The following ADGRV1 variants were observed in gnomAD, a reference collection of about 807,000 sequenced individuals.
ADGRV1 encodes the protein adhesion G protein-coupled receptor V1.
ADGRV1 carries 359 observed loss-of-function variants against 596.2 expected under a neutral mutation model. The observed-to-expected ratio is 0.60, with a 90% CI of 0.55 to 0.66. The LOEUF (loss-of-function observed/expected upper bound fraction) is 0.66. Ranked by LOEUF, ADGRV1 falls within the 30% of genes least tolerant of loss-of-function variation. The pLI is 0.00. For missense variants in ADGRV1, 7,274 were observed against 7,575.6 expected (o/e 0.96, Z 1.48); for synonymous variants, 2,681 against 2,679.2 (o/e 1.00, Z -0.02).
At chr5:91,042,413 C>T (rs1785438328) in intron 85 of ADGRV1, among the ~76,000 whole-genome samples, 1 of 152,154 alleles carries the variant, frequency 6.6e-6, no homozygotes, top group South Asian at 2.1e-4. Flanking sequence ...GGAGACATGC[C>T]TACCTTGGAT....
At chr5:91,157,629 G>A (rs1796581087) in intron 89 of ADGRV1, among the ~76,000 whole-genome samples, 1 of 151,654 alleles carries the variant, frequency 6.6e-6, no homozygotes, top group Non-Finnish European at 1.5e-5. Context: ...ATTTTTTTCT[G>A]TGGCCATAAG....
At position 90,802,820 on chromosome 5, in the gene ADGRV1, A is replaced by G. The variant is rs769269881; in HGVS notation, c.14599A>G (p.Thr4867Ala). The G allele has an allele frequency of 1.9e-6, 3 of 1,612,368 alleles. No homozygotes were observed. The South Asian group carries it at 3.3e-5, about 18-fold the overall frequency. ...CGGTGGACGTTTCTATGGAATGCCA[A>G]CAATTCTTCAGGAAGCAAAATCTGC... is the stretch of plus-strand genomic sequence containing the variant. ...LVGGRFYGMP[T>A]ILQEAKSAVL... Residue 4867 changes from threonine to alanine, a missense_variant, in exon 71 of 90, where the codon ACA becomes GCA. This residue lies in a region of ADGRV1 where 1,874 missense variants were observed against 1,970.2 expected (regional missense o/e 0.95). Coordinates refer to ENST00000405460, the MANE Select transcript of ADGRV1 (RefSeq NM_032119.4).
At chr5:90,956,886 G>A (rs936927525) in intron 83 of ADGRV1, among the ~76,000 whole-genome samples, 2 of 152,214 alleles carry the variant, frequency 1.3e-5, no homozygotes, top group South Asian at 2.1e-4. Flanking sequence ...TGTGGAAAGA[G>A]CTGTAATGTT....
At chr5:90,645,934 T>G in intron 15 of ADGRV1, 34 bp from the exon 16 acceptor site, 1 of 1,538,448 alleles carries the variant, frequency 6.5e-7, no homozygotes, top group South Asian at 1.3e-5. Flanking sequence ...TATGTATAAG[T>G]CACCTGACTT....
chr5:90,740,416 T>A (rs747552143), intron 50 of ADGRV1, among the ~76,000 whole-genome samples: 5 of 152,152 alleles, frequency 3.3e-5, no homozygotes, highest in Non-Finnish European at 5.9e-5. Flanking sequence ...TAAGCTTGGG[T>A]GGAGCTAGAT....
chr5:91,092,535 AG>A (rs1234501921), intron 86 of ADGRV1: 2 of 152,232 alleles, frequency 1.3e-5, no homozygotes, highest in African/African-American at 2.4e-5. Context: ...GATAAACAAA[AG>A]GGTTCTATAG....
intron 79 of ADGRV1, 139 bp from the exon 80 acceptor site, chr5:90,853,145 A>G (rs1489413067): frequency 5.1e-6 from 4 of 779,316 alleles, no homozygotes; most frequent in Non-Finnish European, 7.9e-6. Context: ...GGCACATTCT[A>G]TTTACTGCTT....
chr5:90,814,564 T>C (rs545326983), intron 74 of ADGRV1, among the ~76,000 whole-genome samples: 5 of 152,190 alleles, frequency 3.3e-5, no homozygotes, highest in African/African-American at 1.2e-4. Context: ...CATGCTGTTC[T>C]TGTGATAGTG....
chr5:91,102,427 C>A, intron 87 of ADGRV1, 87 bp downstream of exon 87: 1 of 1,183,756 alleles, frequency 8.4e-7, no homozygotes, highest in Non-Finnish European at 1.2e-6. Flanking sequence ...AGTCAAGCAT[C>A]CACACACAGG....
intron 18 of ADGRV1, among the ~76,000 whole-genome samples, chr5:90,651,944 C>T (rs148328011): frequency 1.2e-4 from 18 of 151,572 alleles, no homozygotes; most frequent in African/African-American, 2.7e-4. Flanking sequence ...AATTATTCTC[C>T]CCACCCCCCT....
intron 43 of ADGRV1, 145 bp downstream of exon 43, chr5:90,716,874 G>A: frequency 1.6e-6 from 1 of 616,792 alleles, no homozygotes; most frequent in Non-Finnish European, 2.7e-6. Context: ...CATTTACTAT[G>A]TGACAAGTGC....
At chr5:90,676,565 A>G (rs918391537) in intron 25 of ADGRV1, among the ~76,000 whole-genome samples, 3 of 152,174 alleles carry the variant, frequency 2.0e-5, no homozygotes, top group African/African-American at 7.2e-5. Context: ...GTTAATTCTG[A>G]GTAATATCTC....
chr5:90,633,442 C>G (rs986858807), intron 9 of ADGRV1, among the ~76,000 whole-genome samples: 8 of 151,944 alleles, frequency 5.3e-5, no homozygotes, highest in Admixed American at 5.2e-4. Context: ...ATCAGTTTAG[C>G]TCTTTTTGAA....
rs777284776 is a variant in ADGRV1 at position 90,848,687 on chromosome 5, T to C, written c.17070T>C (p.Leu5690=). ...IQAFSVASRT[L]FYEILCSLIN... is the part of the protein sequence containing the mutation. Reference sequence around the variant, plus strand: ...CTTTCAGTGTTGCCAGCCGAACTCTTTTCTATGAGATTCTTTGTTCTCTTA... The same window carrying C: ...CTTTCAGTGTTGCCAGCCGAACTCTCTTCTATGAGATTCTTTGTTCTCTTA... Residue 5690 remains leucine, a synonymous_variant, in exon 79 of 90, where the codon CTT becomes CTC. Coordinates refer to ENST00000405460, the MANE Select transcript of ADGRV1 (RefSeq NM_032119.4). 1 of 1,577,254 alleles carries C rather than the reference T, an allele frequency of 6.3e-7. No individual in the cohort carries two copies. The highest frequency in any genetic ancestry group is 1.2e-5 in the South Asian group (1 of 81,512).
At chr5:90,651,501 T>C (rs1768619175) in intron 17 of ADGRV1, 103 bp from the exon 18 acceptor site, 2 of 1,033,226 alleles carry the variant, frequency 1.9e-6, no homozygotes, top group Non-Finnish European at 2.7e-6. Flanking sequence ...AAATTCTTGC[T>C]GAAATTTTCA....
At chr5:90,763,610 G>T in intron 59 of ADGRV1, 141 bp downstream of exon 59, 1 of 758,344 alleles carries the variant, frequency 1.3e-6, no homozygotes, top group Non-Finnish European at 2.0e-6. Context: ...TGGGCTTCTA[G>T]TGAGCCCATA....
At chr5:90,751,830 C>G (rs1326595165) in intron 53 of ADGRV1, among the ~76,000 whole-genome samples, 2 of 152,134 alleles carry the variant, frequency 1.3e-5, no homozygotes, top group African/African-American at 4.8e-5. Context: ...ATAGCAAATT[C>G]TATTGCATTT....
intron 83 of ADGRV1, among the ~76,000 whole-genome samples, chr5:90,947,488 T>G (rs1017025025): frequency 1.3e-5 from 2 of 152,166 alleles, no homozygotes; most frequent in African/African-American, 4.8e-5. Context: ...TTTTTTTATG[T>G]TTTCATCATG....
chr5:90,651,841 A>G (rs919862752), intron 18 of ADGRV1, 111 bp downstream of exon 18: 3 of 671,952 alleles, frequency 4.5e-6, no homozygotes, highest in Middle Eastern at 7.9e-4. Flanking sequence ...GAATTGAGTA[A>G]TTTCAAAGTT....
Sources: allele counts gnomAD v4.1 joint callset (sites outside exome capture counted in the v4.1 genomes callset), GRCh38; gene constraint gnomAD v4.1.1; regional missense constraint gnomAD v4.1.1; transcripts MANE v1.5; gene names NCBI Gene and HGNC (gene_info 2026-07-23, HGNC 2026-07-21).